The following FXR1 variants were observed in gnomAD, a reference collection of about 807,000 sequenced individuals.
FXR1 encodes the protein FMR1 autosomal homolog 1.
Under a neutral mutation model 84.0 loss-of-function variants are expected in FXR1, and 15 were observed. That is an observed-to-expected ratio of 0.18 (90% CI 0.12 to 0.27). The LOEUF is 0.27. FXR1 is among the 10% of genes least tolerant of loss of function. The pLI, the probability that FXR1 is intolerant of heterozygous loss-of-function variation, is 1.00. For missense variants in FXR1, 480 were observed against 774.4 expected (o/e 0.62, Z 4.51); for synonymous variants, 245 against 250.7 (o/e 0.98, Z 0.21).
At chr3:180,924,850 A>C (rs1159184351) in intron 1 of FXR1, among the ~76,000 whole-genome samples, 2 of 152,200 alleles carry the variant, frequency 1.3e-5, no homozygotes, top group Admixed American at 1.3e-4. Flanking sequence ...TGTACCATGA[A>C]GAAAGAAGAA....
chr3:180,954,955 G>T (rs1278425885), intron 9 of FXR1, among the ~76,000 whole-genome samples: 1 of 145,412 alleles, frequency 6.9e-6, no homozygotes, highest in African/African-American at 2.6e-5. Flanking sequence ...TTGTTTCTTG[G>T]AATTTAACTG....
rs748088712 is a variant in FXR1, at chr3:180,948,380, A to G, written c.304A>G (p.Thr102Ala). 1.2e-6 allele frequency: 2 copies of G among 1,605,740 alleles called. No homozygotes were observed. The highest frequency in any genetic ancestry group is 2.2e-5 in the East Asian group (1 of 44,842). ...CATTGAATATGCTGCTTGTGACGCT[A>G]CTTACAATGAAATAGTCACATTTGA... ...YVIEYAACDA[T>A]YNEIVTFERL... is the part of the protein sequence containing the mutation. The change falls in exon 5 of 17, where the codon ACT (threonine) becomes GCT (alanine). Residue 102 changes from threonine (T) to alanine (A), a missense_variant. Around this residue, in one of 6 missense-constraint regions of FXR1, gnomAD observed 136 missense variants for 315.4 expected, o/e 0.43. Transcript: ENST00000357559.
In FXR1 at chr3:180,976,409, C is replaced by A; in HGVS notation, c.*117C>A. ...CTTTACATCGCACTTTCAGTTCCTC[C>A]ATTTGGAATTCAAAAAGGGGAGGGA... is the stretch of plus-strand genomic sequence containing the variant. On this transcript the variant is annotated 3_prime_UTR_variant, in exon 17 of 17. Coordinates refer to ENST00000357559, the MANE Select transcript of FXR1 (RefSeq NM_005087.4). The A allele has an allele frequency of 1.6e-6, 1 of 641,970 alleles. No homozygotes were observed. Among genetic ancestry groups the A allele is most frequent in the East Asian group, 2.8e-5 (1 of 35,602 alleles). The allele number at this position is 641,970 out of a possible 1,614,324, so 39.8% of individuals were successfully genotyped here.
intron 1 of FXR1, among the ~76,000 whole-genome samples, chr3:180,928,634 CTG>C (rs1029501042): frequency 1.7e-4 from 26 of 152,080 alleles, no homozygotes; most frequent in African/African-American, 5.5e-4. Flanking sequence ...GTGCATATGT[CTG>C]TTGTTGAGGA....
At chr3:180,960,331 C>G (rs1323569344) in intron 10 of FXR1, among the ~76,000 whole-genome samples, 1 of 152,196 alleles carries the variant, frequency 6.6e-6, no homozygotes, top group Non-Finnish European at 1.5e-5. Flanking sequence ...AGTACACAGA[C>G]ACTCAAGATT....
chr3:180,916,533 A>G (rs1249963422), intron 1 of FXR1, among the ~76,000 whole-genome samples: 11 of 151,738 alleles, frequency 7.2e-5, no homozygotes, highest in African/African-American at 4.8e-5. Context: ...TCAGCCTCCC[A>G]GGTAGCTGGG....
chr3:180,936,465 G>A (rs1414392359), intron 3 of FXR1, among the ~76,000 whole-genome samples: 4 of 149,704 alleles, frequency 2.7e-5, no homozygotes, highest in Non-Finnish European at 4.5e-5. Context: ...ACAGGGTTTC[G>A]CCTTGTTGGC....
chr3:180,964,819 T>C (rs1396072607), intron 13 of FXR1, among the ~76,000 whole-genome samples: 1 of 151,698 alleles, frequency 6.6e-6, no homozygotes, highest in African/African-American at 2.4e-5. Flanking sequence ...CAGCATTTTC[T>C]TTTTTAATGG....
chr3:180,929,736 C>G (rs1423127689), intron 1 of FXR1, among the ~76,000 whole-genome samples: 1 of 152,168 alleles, frequency 6.6e-6, no homozygotes, highest in Non-Finnish European at 1.5e-5. Context: ...ATTCTGGTGG[C>G]TTGGGAATAC....
At chr3:180,966,759 G>C (rs1465448004) in intron 13 of FXR1, among the ~76,000 whole-genome samples, 1 of 152,144 alleles carries the variant, frequency 6.6e-6, no homozygotes, top group Admixed American at 6.5e-5. Context: ...AATGGGGAGA[G>C]ATCTGTCTTA....
intron 13 of FXR1, among the ~76,000 whole-genome samples, chr3:180,965,489 T>G (rs1467683048): frequency 1.3e-5 from 2 of 152,158 alleles, no homozygotes; most frequent in Non-Finnish European, 2.9e-5. Context: ...ATTTATTATC[T>G]TATAGTTCTG....
intron 4 of FXR1, 44 bp downstream of exon 4, chr3:180,947,980 G>A (rs777568001): frequency 5.5e-6 from 6 of 1,081,240 alleles, no homozygotes; most frequent in East Asian, 2.4e-5. Flanking sequence ...TTCTAAGGAA[G>A]TACCTCAGTG....
At position 180,933,271 on chromosome 3, in the gene FXR1, A is replaced by T. The variant is rs2108443950; in HGVS notation, c.52-63A>T. ...CTCCCTATTATCTTTGAACTAATAC[A>T]ACCTTTTAGAGTTACGAAGTGCTTT... On this transcript the variant is annotated intron_variant, in intron 1 of 16. Transcript: ENST00000357559. The T allele has an allele frequency of 7.4e-6, 7 of 950,412 alleles. No individual in the cohort carries two copies. The South Asian group carries it at 9.6e-5, about 13-fold the overall frequency. The allele number at this position is 950,412 out of a possible 1,614,324, so 58.9% of individuals were successfully genotyped here.
chr3:180,944,614 A>C (rs1721498622), intron 3 of FXR1, among the ~76,000 whole-genome samples: 1 of 152,136 alleles, frequency 6.6e-6, no homozygotes, highest in Admixed American at 6.5e-5. Flanking sequence ...GGCATGAGCC[A>C]CTGTGCCCCC....
rs1714403945 is a variant in FXR1, at chr3:180,978,159, T to G, written c.*1867T>G. On this transcript the variant is annotated 3_prime_UTR_variant, in exon 17 of 17. Coordinates refer to ENST00000357559, the MANE Select transcript of FXR1 (RefSeq NM_005087.4). ...AAGGTATTAGAAGAATTTTAATTAA[T>G]GCCAAATTGGTAAATATGGTGTAAA... 1 of 149,018 alleles carries G rather than the reference T, an allele frequency of 6.7e-6. No homozygotes were observed. The highest frequency in any genetic ancestry group is 1.5e-5 in the Non-Finnish European group (1 of 67,676). 9.2% of individuals were successfully genotyped at this position (149,018 alleles called of 1,614,324 possible). A position where few individuals can be genotyped will look rare whatever the true frequency, so the allele number is the denominator to read the frequency against.
In FXR1 at chr3:180,948,204, T is replaced by C. The variant is rs1721887895; in HGVS notation, c.271-143T>C. ...TATAATCTAGTTTAGGCAAATCAGATTGATGTAGCTAAGCTGTGCTTAGTA... is the reference window on the plus strand; with the variant it reads ...TATAATCTAGTTTAGGCAAATCAGACTGATGTAGCTAAGCTGTGCTTAGTA... On this transcript the variant is annotated intron_variant, in intron 4 of 16. Transcript: ENST00000357559. 4.6e-6 allele frequency: 3 copies of C among 650,858 alleles called. No homozygotes were observed. In the East Asian group the frequency reaches 8.2e-5, roughly 18 times the overall value. 40.3% of individuals were successfully genotyped at this position (650,858 alleles called of 1,614,324 possible).
At chr3:180,939,406 CATACTT>C (rs1247492371) in intron 3 of FXR1, among the ~76,000 whole-genome samples, 1 of 152,056 alleles carries the variant, frequency 6.6e-6, no homozygotes, top group East Asian at 1.9e-4. Context: ...ATTCTTCAAT[CATACTT>C]AGAGATGGTC....
intron 1 of FXR1, among the ~76,000 whole-genome samples, chr3:180,920,517 CTTTT>C (rs11359852): frequency 3.1e-5 from 4 of 127,328 alleles, no homozygotes; most frequent in Non-Finnish European, 3.4e-5. Context: ...TAGTTTTGTT[CTTTT>C]TTTTTTTTTT....
At chr3:180,925,412 A>T (rs1719056903) in intron 1 of FXR1, among the ~76,000 whole-genome samples, 2 of 151,758 alleles carry the variant, frequency 1.3e-5, no homozygotes, top group South Asian at 4.2e-4. Context: ...TTCTTCCAGT[A>T]ATTTTTACTC....
Sources: allele counts gnomAD v4.1 joint callset (sites outside exome capture counted in the v4.1 genomes callset), GRCh38; gene constraint gnomAD v4.1.1; regional missense constraint gnomAD v4.1.1; transcripts MANE v1.5; gene names NCBI Gene and HGNC (gene_info 2026-07-23, HGNC 2026-07-21).